Variants in SAMD5 observed in about 807,000 individuals in gnomAD.
SAMD5 encodes sterile alpha motif domain containing 5.
A neutral mutation model predicts 11.3 loss-of-function variants in SAMD5; 13 were observed. That is an observed-to-expected ratio of 1.15 (90% CI 0.75 to 1.83). SAMD5 has a LOEUF of 1.83. Ranked by LOEUF, SAMD5 falls within the 40% of genes most tolerant of loss-of-function variation. The pLI is 0.00. For synonymous variants in SAMD5, 129 were observed against 111.3 expected, an observed-to-expected ratio of 1.16 and a Z score of -1.00; for missense variants, 255 against 239.1, an observed-to-expected ratio of 1.07 and a Z score of -0.44.
In SAMD5 at chr6:147,653,271, TAAG is replaced by T. The variant is rs147512204; in HGVS notation, c.163-84041_163-84039del. ...CTTGCTTTATACTCAGAGATTCAAATAAGAAGATGATCTAAAATTTGGTTACCT... is the reference window on the plus strand; with the variant it reads ...CTTGCTTTATACTCAGAGATTCAAATAAGATGATCTAAAATTTGGTTACCT... On this transcript the variant is annotated intron_variant, in intron 1 of 1. Coordinates refer to the SAMD5 transcript ENST00000566741. Among the ~76,000 whole-genome samples, 924 of 152,338 alleles carry T rather than the reference TAAG, an allele frequency of 6.1e-3. 3 individuals are homozygous for T. The highest frequency in any genetic ancestry group is 9.6e-3 in the Non-Finnish European group (653 of 68,014).
At position 147,567,232 on chromosome 6, in the gene SAMD5, T is replaced by C. The variant is rs9399608; in HGVS notation, c.*2776T>C. On this transcript the variant is annotated 3_prime_UTR_variant, in exon 2 of 2. Coordinates refer to ENST00000367474, the MANE Select transcript of SAMD5 (RefSeq NM_001030060.3). ...CTTACCCAAGTGGGAGCTGAACCAG[T>C]AATTGTGGGGAAAACTGAATTTATA... 84,217 of 985,092 alleles carry C rather than the reference T, an allele frequency of 0.085. 4,539 individuals carry two copies. The highest frequency in any genetic ancestry group is 0.34 in the East Asian group (2,973 of 8,768). 61.0% of individuals were successfully genotyped at this position (985,092 alleles called of 1,614,324 possible).
At chr6:147,798,746 G>T in the SAMD5 span, among the ~76,000 whole-genome samples, 879 of 152,154 alleles carry the variant, frequency 5.8e-3, 18 homozygotes, top group East Asian at 0.064. Flanking sequence ...ATGAATCTGG[G>T]TGCTCCTGTA....
At chr6:147,643,135 T>G (rs2128452546) in intron 1 of SAMD5, among the ~76,000 whole-genome samples, 1 of 152,342 alleles carries the variant, frequency 6.6e-6, no homozygotes, top group African/African-American at 2.4e-5. Context: ...CTGCAAATCC[T>G]CACGTTGAAG....
At chr6:147,514,988 G>T (rs1255704673) in intron 1 of SAMD5, among the ~76,000 whole-genome samples, 1 of 152,134 alleles carries the variant, frequency 6.6e-6, no homozygotes, top group Non-Finnish European at 1.5e-5. Context: ...GATTGGCAAA[G>T]ATGTGCTTGT....
At chr6:147,817,536 C>T in the SAMD5 span, among the ~76,000 whole-genome samples, 1 of 152,206 alleles carries the variant, frequency 6.6e-6, no homozygotes, top group East Asian at 1.9e-4. Context: ...GGTCATGCAC[C>T]TGTTATGCAG....
the SAMD5 span, among the ~76,000 whole-genome samples, chr6:147,760,365 G>T: frequency 8.6e-4 from 131 of 152,212 alleles, no homozygotes; most frequent in African/African-American, 2.9e-3. Flanking sequence ...GCTTATGTTT[G>T]ATTATTTTTT....
the SAMD5 span, among the ~76,000 whole-genome samples, chr6:147,754,777 A>G: frequency 6.6e-6 from 1 of 152,088 alleles, no homozygotes; most frequent in Admixed American, 6.6e-5. Context: ...TCTTCTGCAT[A>G]TGGATATCCA....
At chr6:147,604,210 T>TC (rs1789664658) in intron 1 of SAMD5, among the ~76,000 whole-genome samples, 1 of 11,438 alleles carries the variant, frequency 8.7e-5, no homozygotes, top group South Asian at 3.4e-3. Context: ...ATGTACTAAC[T>TC]TTTTTTTTTT....
chr6:147,577,225 C>G (rs977855566), intron 1 of SAMD5, among the ~76,000 whole-genome samples: 10 of 152,178 alleles, frequency 6.6e-5, no homozygotes, highest in African/African-American at 2.4e-4. Context: ...CAATAACCGT[C>G]TTGCTGAATG....
intron 1 of SAMD5, among the ~76,000 whole-genome samples, chr6:147,541,907 C>A (rs867761991): frequency 5.3e-5 from 8 of 152,256 alleles, no homozygotes; most frequent in Non-Finnish European, 4.4e-5. Context: ...CACAATGGGG[C>A]TATAGACAGA....
intron 1 of SAMD5, among the ~76,000 whole-genome samples, chr6:147,603,307 T>C (rs17077059): frequency 0.021 from 3,212 of 152,314 alleles, 115 homozygotes; most frequent in African/African-American, 0.074. Context: ...CAGTGCCCTA[T>C]ACAATAATTT....
At chr6:147,789,277 A>AC in the SAMD5 span, among the ~76,000 whole-genome samples, 32 of 104,638 alleles carry the variant, frequency 3.1e-4, no homozygotes, top group African/African-American at 9.5e-4. Context: ...GTCTCTAGAA[A>AC]AACACACACA....
At chr6:147,907,622 T>C in the SAMD5 span, among the ~76,000 whole-genome samples, 1 of 152,158 alleles carries the variant, frequency 6.6e-6, no homozygotes, top group African/African-American at 2.4e-5. Context: ...TGACCACTGG[T>C]CTGAGACACA....
the SAMD5 span, among the ~76,000 whole-genome samples, chr6:147,893,086 T>C: frequency 1.3e-5 from 2 of 151,730 alleles, no homozygotes; most frequent in Non-Finnish European, 2.9e-5. Flanking sequence ...TGGTAACACA[T>C]GCCTGTAGTC....
At position 147,568,734 on chromosome 6, in the gene SAMD5, C is replaced by T; in HGVS notation, c.*4278C>T. The T allele has an allele frequency of 1.0e-6, 1 of 981,788 alleles. No individual in the cohort carries two copies. Among genetic ancestry groups the T allele is most frequent in the Non-Finnish European group, 1.2e-6 (1 of 826,688 alleles). The allele number at this position is 981,788 out of a possible 1,614,324, so 60.8% of individuals were successfully genotyped here. On this transcript the variant is annotated 3_prime_UTR_variant, in exon 2 of 2. Transcript: ENST00000367474. ...TTCTAATTTTACTCTTATTAGCTCC[C>T]TCAGTTGTCATCAATTACATATTCC... is the stretch of plus-strand genomic sequence containing the variant.
the SAMD5 span, among the ~76,000 whole-genome samples, chr6:147,822,692 A>G: frequency 6.6e-6 from 1 of 152,206 alleles, no homozygotes. Context: ...GGATTTGCAA[A>G]ACCAGCAATT....
the SAMD5 span, among the ~76,000 whole-genome samples, chr6:147,789,174 A>G: frequency 1.3e-5 from 2 of 151,918 alleles, no homozygotes. Context: ...CCTGAGGCAG[A>G]AGGATTGCTT....
the SAMD5 span, among the ~76,000 whole-genome samples, chr6:147,793,458 T>C: frequency 6.6e-6 from 1 of 152,104 alleles, no homozygotes; most frequent in Non-Finnish European, 1.5e-5. Flanking sequence ...GGACATTAAA[T>C]AAAAATCAAG....
At chr6:147,781,772 GCACA>G in the SAMD5 span, among the ~76,000 whole-genome samples, 6,336 of 146,068 alleles carry the variant, frequency 0.043, 155 homozygotes, top group African/African-American at 0.081. Context: ...ATTTGTGTGC[GCACA>G]CACACACACA....
Sources: gnomAD v4.1 joint callset for allele counts (sites outside exome capture counted in the v4.1 genomes callset) on GRCh38, gnomAD v4.1.1 for gene constraint, MANE v1.5 for transcripts, NCBI Gene and HGNC (gene_info 2026-07-23, HGNC 2026-07-21) for gene names.